Variants in WDFY4 observed in about 807,000 individuals in gnomAD.
The protein encoded by WDFY4 is WDFY family member 4, also known as WD repeat- and FYVE domain-containing protein 4.
WDFY4 carries 169 observed loss-of-function variants against 351.9 expected under a neutral mutation model. That is an observed-to-expected ratio of 0.48 (90% CI 0.42 to 0.55). The LOEUF (loss-of-function observed/expected upper bound fraction) is 0.55, where lower values mean the gene tolerates loss of function less well. Ranked by LOEUF, WDFY4 falls within the 20% of genes least tolerant of loss-of-function variation. The pLI, the probability that WDFY4 is intolerant of heterozygous loss-of-function variation, is 0.00. For synonymous variants in WDFY4, 1,622 were observed against 1,574.6 expected (o/e 1.03, Z -0.71); for missense variants, 3,803 against 3,935.6 (o/e 0.97, Z 0.90).
Position 48,743,559 on chromosome 10 carries a change from C to A in WDFY4, c.2459+11C>A, listed in dbSNP as rs1417159144. 32 of 1,527,680 alleles carry A rather than the reference C, an allele frequency of 2.1e-5. No homozygotes were observed. Among genetic ancestry groups the A allele is most frequent in the Non-Finnish European group, 2.4e-5 (27 of 1,139,754 alleles). 94.6% of individuals were successfully genotyped at this position (1,527,680 alleles called of 1,614,324 possible). ...AGACCTGGAGGAGAGGTAGCTTCTT[C>A]TGCCAGTGTGTCATCAGTGCATCTC... On this transcript the variant is annotated intron_variant, in intron 12 of 61. Coordinates refer to ENST00000325239, the MANE Select transcript of WDFY4 (RefSeq NM_001394531.1).
intron 18 of WDFY4, among the ~76,000 whole-genome samples, 169 bp downstream of exon 18, chr10:48,779,001 G>T (rs547671528): frequency 6.6e-6 from 1 of 152,362 alleles, no homozygotes; most frequent in South Asian, 2.1e-4. Context: ...TACAATATTT[G>T]TTGTGGTTCA....
At chr10:48,790,703 A>G in intron 22 of WDFY4, 24 bp from the exon 23 acceptor site, 3 of 1,547,346 alleles carry the variant, frequency 1.9e-6, no homozygotes, top group African/African-American at 2.7e-5. Context: ...CATGTTGATG[A>G]AATGCCCACT....
chr10:48,862,879 C>T (rs1444067408), intron 39 of WDFY4, among the ~76,000 whole-genome samples: 4 of 152,202 alleles, frequency 2.6e-5, no homozygotes, highest in Admixed American at 2.6e-4. Flanking sequence ...TTCTATCCCC[C>T]ATCCCTCTAG....
At chr10:48,947,600 C>T (rs1045282046) in intron 51 of WDFY4, among the ~76,000 whole-genome samples, 4 of 152,122 alleles carry the variant, frequency 2.6e-5, no homozygotes, top group African/African-American at 9.7e-5. Context: ...CTCTGGTGTC[C>T]AAGTGTTGCC....
intron 12 of WDFY4, among the ~76,000 whole-genome samples, chr10:48,758,413 T>C (rs1453466729): frequency 6.6e-6 from 1 of 152,128 alleles, no homozygotes; most frequent in Non-Finnish European, 1.5e-5. Flanking sequence ...TTTATTTTAT[T>C]TGGGTTTTGC....
At chr10:48,879,780 T>C (rs2070172644) in intron 43 of WDFY4, among the ~76,000 whole-genome samples, 1 of 152,160 alleles carries the variant, frequency 6.6e-6, no homozygotes, top group Non-Finnish European at 1.5e-5. Flanking sequence ...ATCTGTTTCT[T>C]GGGGTGCCCA....
chr10:48,923,556 A>G (rs1839311240), intron 47 of WDFY4, among the ~76,000 whole-genome samples: 1 of 145,432 alleles, frequency 6.9e-6, no homozygotes, highest in South Asian at 2.3e-4. Flanking sequence ...TGGCAACCCT[A>G]TCCCATGGGC....
chr10:48,806,761 C>A (rs1440662800), intron 27 of WDFY4, among the ~76,000 whole-genome samples: 1 of 152,240 alleles, frequency 6.6e-6, no homozygotes, highest in Admixed American at 6.5e-5. Context: ...CGGCTCTGCA[C>A]TGTCCAAGAC....
At chr10:48,777,629 T>C in intron 17 of WDFY4, 134 bp downstream of exon 17, 1 of 864,722 alleles carries the variant, frequency 1.2e-6, no homozygotes, top group South Asian at 1.6e-5. Flanking sequence ...CTCACACCTG[T>C]AATACTGCAA....
intron 47 of WDFY4, among the ~76,000 whole-genome samples, chr10:48,922,774 A>C (rs1402510277): frequency 3.3e-5 from 5 of 152,188 alleles, no homozygotes; most frequent in Non-Finnish European, 5.9e-5. Flanking sequence ...TTGCCTAATA[A>C]AAAAATGTCT....
At chr10:48,904,047 G>A (rs1837494538) in intron 47 of WDFY4, among the ~76,000 whole-genome samples, 1 of 152,202 alleles carries the variant, frequency 6.6e-6, no homozygotes, top group South Asian at 2.1e-4. Context: ...AGTGTTGTTG[G>A]TAGGCCAAGT....
intron 5 of WDFY4, among the ~76,000 whole-genome samples, chr10:48,724,711 GCAGA>G (rs1450726246): frequency 6.6e-6 from 1 of 152,084 alleles, no homozygotes; most frequent in African/African-American, 2.4e-5. Flanking sequence ...CAGCTCTATG[GCAGA>G]CAGATGGTTG....
At chr10:48,710,097 G>T in intron 2 of WDFY4, 131 bp downstream of exon 2, 1 of 813,504 alleles carries the variant, frequency 1.2e-6, no homozygotes, top group South Asian at 1.9e-5. Context: ...GGGGAGTGTT[G>T]TCTTAGTCTG....
intron 5 of WDFY4, among the ~76,000 whole-genome samples, chr10:48,724,486 A>G (rs1004690819): frequency 6.6e-6 from 1 of 151,998 alleles, no homozygotes; most frequent in Non-Finnish European, 1.5e-5. Flanking sequence ...TGTAAATCAT[A>G]TTCTAATTGG....
At chr10:48,969,380 T>A in intron 56 of WDFY4, 132 bp downstream of exon 56, 1 of 1,174,714 alleles carries the variant, frequency 8.5e-7, no homozygotes, top group Non-Finnish European at 1.2e-6. Context: ...GCTGCCAGCC[T>A]GGGCGGGAAA....
intron 53 of WDFY4, among the ~76,000 whole-genome samples, chr10:48,962,435 C>T (rs1293520034): frequency 6.6e-6 from 1 of 152,180 alleles, no homozygotes; most frequent in Non-Finnish European, 1.5e-5. Flanking sequence ...CATTTTGAGG[C>T]TCTGGGCACC....
At chr10:48,817,852 A>G (rs1429406616) in intron 32 of WDFY4, among the ~76,000 whole-genome samples, 1 of 152,206 alleles carries the variant, frequency 6.6e-6, no homozygotes, top group Non-Finnish European at 1.5e-5. Flanking sequence ...GTGCCCTTCT[A>G]GGCAGTGGGT....
intron 51 of WDFY4, among the ~76,000 whole-genome samples, chr10:48,952,826 G>A (rs1332729081): frequency 6.6e-5 from 10 of 152,316 alleles, no homozygotes; most frequent in East Asian, 1.9e-4. Flanking sequence ...GGACCAGTGC[G>A]TGGGCTTCCC....
At chr10:48,853,936 T>A (rs977589791) in intron 39 of WDFY4, among the ~76,000 whole-genome samples, 2 of 152,198 alleles carry the variant, frequency 1.3e-5, no homozygotes, top group Non-Finnish European at 2.9e-5. Context: ...TTGCAGAACT[T>A]AACAACAGGG....
Sources: allele counts gnomAD v4.1 joint callset (sites outside exome capture counted in the v4.1 genomes callset), GRCh38; gene constraint gnomAD v4.1.1; transcripts MANE v1.5; gene names NCBI Gene and HGNC (gene_info 2026-07-23, HGNC 2026-07-21).